Variants in HMGB1 observed in about 807,000 individuals in gnomAD.
The protein encoded by HMGB1 is high mobility group box 1, also known as high mobility group protein B1.
For synonymous variants in HMGB1, 81 were observed against 84.0 expected (o/e 0.96, Z 0.19); for missense variants, 79 against 253.5 (o/e 0.31, Z 4.67).
At chr13:30,525,729 AC>A (rs974841006) in intron 1 of HMGB1, among the ~76,000 whole-genome samples, 9 of 148,332 alleles carry the variant, frequency 6.1e-5, no homozygotes, top group Admixed American at 2.0e-4. Context: ...AAAAAAAAAA[AC>A]CATCAGGTCT....
At chr13:30,562,828 GA>G (rs1169964421) in intron 1 of HMGB1, among the ~76,000 whole-genome samples, 3 of 152,190 alleles carry the variant, frequency 2.0e-5, no homozygotes, top group Non-Finnish European at 4.4e-5. Context: ...CAATCAGGGG[GA>G]AAGATTCTGG....
chr13:30,502,905 G>A (rs914509613), intron 1 of HMGB1, among the ~76,000 whole-genome samples: 2 of 152,140 alleles, frequency 1.3e-5, no homozygotes, highest in South Asian at 4.1e-4. Context: ...CAAACTCCTG[G>A]TGTCAAGCAA....
rs142409216 is a variant in HMGB1 at position 30,561,793 on chromosome 13, AC to A, written c.-15+54877del. On this transcript the variant is annotated intron_variant, in intron 1 of 4. Coordinates refer to the HMGB1 transcript ENST00000405805. Reference sequence around the variant, plus strand: ...AATGCTGCTGGGATGGAGTTCACAGACCTGGAAGACAGAAGACAAAGCGGAT... The same window carrying A: ...AATGCTGCTGGGATGGAGTTCACAGACTGGAAGACAGAAGACAAAGCGGAT... 2.9e-3 allele frequency among the ~76,000 whole-genome samples: 438 copies of A among 152,284 alleles called. 1 individual carries two copies. The highest frequency in any genetic ancestry group is 0.01 in the African/African-American group (416 of 41,558).
intron 1 of HMGB1, among the ~76,000 whole-genome samples, chr13:30,529,504 T>C (rs1888449173): frequency 6.6e-6 from 1 of 152,222 alleles, no homozygotes; most frequent in Non-Finnish European, 1.5e-5. Flanking sequence ...TTTATAGTTG[T>C]TTGAAACATG....
intron 1 of HMGB1, among the ~76,000 whole-genome samples, chr13:30,534,914 C>T (rs1367983437): frequency 2.0e-5 from 3 of 152,038 alleles, no homozygotes; most frequent in East Asian, 1.9e-4. Flanking sequence ...TCAGAGGCTC[C>T]GTGACATTTT....
intron 1 of HMGB1, among the ~76,000 whole-genome samples, chr13:30,479,131 T>C (rs1040881177): frequency 1.3e-5 from 2 of 152,212 alleles, no homozygotes; most frequent in African/African-American, 4.8e-5. Flanking sequence ...AAGATAAATA[T>C]GCACATTTAT....
intron 1 of HMGB1, among the ~76,000 whole-genome samples, chr13:30,487,711 C>T (rs1887395149): frequency 6.6e-6 from 1 of 151,964 alleles, no homozygotes; most frequent in African/African-American, 2.4e-5. Flanking sequence ...TGGTATTCCA[C>T]AAAGAGGAAA....
chr13:30,549,728 A>G (rs1322437802), intron 1 of HMGB1, among the ~76,000 whole-genome samples: 1 of 140,228 alleles, frequency 7.1e-6, no homozygotes, highest in African/African-American at 2.6e-5. Flanking sequence ...TTTTTTTGAG[A>G]TGGAGTCTTG....
At chr13:30,535,231 G>A (rs1302005773) in intron 1 of HMGB1, among the ~76,000 whole-genome samples, 2 of 152,202 alleles carry the variant, frequency 1.3e-5, no homozygotes, top group South Asian at 2.1e-4. Flanking sequence ...GAGTTCATCC[G>A]AAGCTGTGCT....
chr13:30,542,989 G>C (rs1381446667), intron 1 of HMGB1: 1 of 152,584 alleles, frequency 6.6e-6, no homozygotes, highest in East Asian at 1.9e-4. Context: ...AAGGTGCACA[G>C]GGCACTGCTA....
At chr13:30,463,768 G>T (rs1008607629) in intron 1 of HMGB1, 74 bp from the exon 2 acceptor site, 9 of 922,416 alleles carry the variant, frequency 9.8e-6, no homozygotes, top group Non-Finnish European at 1.4e-5. Flanking sequence ...CTTAGTAAGG[G>T]AATGAAAACC....
At chr13:30,557,573 C>G (rs925675709) in intron 1 of HMGB1, among the ~76,000 whole-genome samples, 2 of 152,180 alleles carry the variant, frequency 1.3e-5, no homozygotes, top group African/African-American at 4.8e-5. Context: ...CTTACAGATT[C>G]ACCTTGTAGA....
intron 3 of HMGB1, 74 bp from the exon 4 acceptor site, chr13:30,462,786 T>C (rs192331953): frequency 2.5e-5 from 30 of 1,223,886 alleles, no homozygotes; most frequent in African/African-American, 1.4e-4. Flanking sequence ...GTACACTGCA[T>C]TGCTATTTAA....
At chr13:30,556,085 T>C (rs954839287) in intron 1 of HMGB1, among the ~76,000 whole-genome samples, 2 of 152,256 alleles carry the variant, frequency 1.3e-5, no homozygotes, top group Admixed American at 1.3e-4. Flanking sequence ...GATACCAGTA[T>C]GTCTTCAAAG....
At chr13:30,489,733 CT>C (rs1437282347) in intron 1 of HMGB1, among the ~76,000 whole-genome samples, 5 of 138,424 alleles carry the variant, frequency 3.6e-5, no homozygotes, top group Non-Finnish European at 4.6e-5. Context: ...AATGGAATTT[CT>C]TTTTTTTTTT....
intron 1 of HMGB1, among the ~76,000 whole-genome samples, chr13:30,579,224 TA>T (rs959535405): frequency 9.9e-5 from 15 of 152,196 alleles, no homozygotes; most frequent in African/African-American, 3.6e-4. Flanking sequence ...ACTGTCATAC[TA>T]AAAATATATA....
chr13:30,572,825 TA>T (rs1416739601), intron 1 of HMGB1, among the ~76,000 whole-genome samples: 1 of 152,214 alleles, frequency 6.6e-6, no homozygotes, highest in African/African-American at 2.4e-5. Context: ...TGGCAAAACT[TA>T]AGCCATTTCA....
At chr13:30,534,302 C>T (rs1888563081) in intron 1 of HMGB1, among the ~76,000 whole-genome samples, 1 of 152,240 alleles carries the variant, frequency 6.6e-6, no homozygotes. Flanking sequence ...ACGGCCCAGG[C>T]CAAACTCAGT....
chr13:30,537,859 T>C (rs1244232462), intron 1 of HMGB1, among the ~76,000 whole-genome samples: 3 of 151,952 alleles, frequency 2.0e-5, no homozygotes, highest in Admixed American at 6.6e-5. Context: ...ATCTGAATTC[T>C]TCCTTCAGTT....
Sources: allele counts gnomAD v4.1 joint callset (sites outside exome capture counted in the v4.1 genomes callset), GRCh38; gene constraint gnomAD v4.1.1; transcripts MANE v1.5; gene names NCBI Gene and HGNC (gene_info 2026-07-23, HGNC 2026-07-21).